The following MGAM variants were observed in gnomAD, a reference collection of about 807,000 sequenced individuals.
MGAM encodes alpha-1,4-glucosidase.
A neutral mutation model predicts 358.8 loss-of-function variants in MGAM; 253 were observed. The observed-to-expected ratio is 0.71, with a 90% CI of 0.64 to 0.78. The LOEUF (loss-of-function observed/expected upper bound fraction) is 0.78. Ranked by LOEUF, MGAM falls within the 30% of genes least tolerant of loss-of-function variation. The pLI, the probability that MGAM is intolerant of heterozygous loss-of-function variation, is 0.00. For missense variants in MGAM, 3,080 were observed against 3,432.6 expected, an observed-to-expected ratio of 0.90 and a Z score of 2.57; for synonymous variants, 1,105 against 1,227.1, an observed-to-expected ratio of 0.90 and a Z score of 2.08.
chr7:142,040,752 G>C lies in MGAM; in HGVS notation c.2404G>C (p.Val802Leu). 6.2e-7 allele frequency: 1 copy of C among 1,613,288 alleles called. No homozygotes were observed. Residue 802 changes from valine (V) to leucine (L), a missense_variant, in exon 21 of 71, where the codon GTC (valine) becomes CTC (leucine). Physicochemically the swap from Val to Leu is conservative, Grantham distance 32. This residue lies in a region of MGAM where 1,816 missense variants were observed against 1,840.5 expected (regional missense o/e 0.99). Transcript: ENST00000475668. ...CCAAGTGAGATGGAGGAAGCAAAAA[G>C]TCGAGATGGAACTTCCTGGAGACAA... ...GSQVRWRKQK[V>L]EMELPGDKIG...
intron 25 of MGAM, 125 bp downstream of exon 25, chr7:142,052,571 A>T: frequency 7.2e-7 from 1 of 1,395,790 alleles, no homozygotes; most frequent in Non-Finnish European, 9.6e-7. Context: ...AAGGGACAGG[A>T]TCTAGATGTG....
chr7:142,082,618 G>A lies in MGAM; in HGVS notation c.6268+47G>A, dbSNP rs1013260227. On this transcript the variant is annotated intron_variant, in intron 52 of 70. Coordinates refer to ENST00000475668, the MANE Select transcript of MGAM (RefSeq NM_001365693.1). ...CTTATTTTGGGGGGATACCAGTCAT[G>A]CCTGAGTCAGTTTAGAATGTGTTTA... is the stretch of plus-strand genomic sequence containing the variant. The A allele has an allele frequency of 4.5e-6, 6 of 1,342,926 alleles. No homozygotes were observed. The East Asian group carries it at 1.0e-4, about 23-fold the overall frequency. 83.2% of individuals were successfully genotyped at this position (1,342,926 alleles called of 1,614,324 possible).
At position 142,027,702 on chromosome 7, in the gene MGAM, C is replaced by T. The variant is rs200636635; in HGVS notation, c.1188C>T (p.Val396=). The change falls in exon 10 of 71, where the codon GTC becomes GTT. Residue 396 remains valine, a synonymous_variant. Coordinates refer to ENST00000475668, the MANE Select transcript of MGAM (RefSeq NM_001365693.1). Reference sequence around the variant, plus strand: ...GAACCTTAGACAACATGAGGGAAGTCGTGGAGAGAAATCGCGCAGCACAGC... The same window carrying T: ...GAACCTTAGACAACATGAGGGAAGTTGTGGAGAGAAATCGCGCAGCACAGC... ...EYGTLDNMRE[V]VERNRAAQLP... is the part of the protein sequence containing the mutation. The T allele has an allele frequency of 1.1e-5, 18 of 1,613,002 alleles. No homozygotes were observed. The highest frequency in any genetic ancestry group is 2.2e-5 in the East Asian group (1 of 44,798).
At chr7:142,027,344 T>A in intron 9 of MGAM, 117 bp downstream of exon 9, 1 of 867,764 alleles carries the variant, frequency 1.2e-6, no homozygotes, top group Non-Finnish European at 1.8e-6. Flanking sequence ...ATTTGAGATA[T>A]TAAAGAACAG....
intron 63 of MGAM, 100 bp downstream of exon 63, chr7:142,094,963 ATT>A (rs138070479): frequency 0.81 from 755,702 of 933,760 alleles, 290,654 homozygotes; most frequent in Admixed American, 0.84. Flanking sequence ...TATCTTTAAA[ATT>A]TTTTTTTTTT....
intron 10 of MGAM, among the ~76,000 whole-genome samples, chr7:142,028,210 C>A (rs1359342673): frequency 1.2e-4 from 19 of 152,096 alleles, no homozygotes; most frequent in Admixed American, 7.2e-4. Context: ...AAAGTTGTAT[C>A]ATATTTTCAG....
intron 42 of MGAM, among the ~76,000 whole-genome samples, chr7:142,068,419 G>T (rs1219417572): frequency 6.9e-6 from 1 of 144,896 alleles, no homozygotes; most frequent in African/African-American, 2.4e-5. Context: ...ATTTTTTCCC[G>T]AAGTCCTGGA....
rs749699644 is a variant in MGAM, at chr7:142,078,286, T to G, written c.5494-32T>G. ...TTTTGCAAGGCCTTTCTCCCAAAGA[T>G]GAATTTCCTTGTGATTTCTGCATTC... On this transcript the variant is annotated intron_variant, in intron 47 of 70. Transcript: ENST00000475668. 3.6e-6 allele frequency: 5 copies of G among 1,407,972 alleles called. No homozygotes were observed. The Admixed American group carries it at 1.2e-4, about 35-fold the overall frequency. 87.2% of individuals were successfully genotyped at this position (1,407,972 alleles called of 1,614,324 possible).
At chr7:142,042,590 C>A (rs1215523933) in intron 21 of MGAM, among the ~76,000 whole-genome samples, 1 of 2,162 alleles carries the variant, frequency 4.6e-4, no homozygotes, top group Non-Finnish European at 8.6e-4. Context: ...ATTATATATA[C>A]ATATTATATA....
rs758852793 is a variant in MGAM, at chr7:142,045,480, T to A, written c.2499-2305T>A. Among the ~76,000 whole-genome samples the A allele has an allele frequency of 1.5e-3, 168 of 111,198 alleles. 3 individuals are homozygous for A. Among genetic ancestry groups the A allele is most frequent in the African/African-American group, 6.1e-3 (160 of 26,082 alleles). The allele number at this position is 111,198 out of a possible 152,430, so 73.0% of individuals were successfully genotyped here. On this transcript the variant is annotated intron_variant, in intron 21 of 70. Transcript: ENST00000475668. Reference sequence around the variant, plus strand: ...CATGATATATTATATATATTATATATACATACAATATATGATATTATATAT... The same window carrying A: ...CATGATATATTATATATATTATATAAACATACAATATATGATATTATATAT...
At position 142,069,507 on chromosome 7, in the gene MGAM, A is replaced by G. The variant is rs1265878502; in HGVS notation, c.5061+804A>G. Among the ~76,000 whole-genome samples the G allele has an allele frequency of 3.4e-5, 5 of 145,608 alleles. 1 individual carries two copies. Among genetic ancestry groups the G allele is most frequent in the Non-Finnish European group, 7.8e-5 (5 of 64,398 alleles). ...GAGGAGAACATAGTTGAGGGCTGGA[A>G]ATACAACAAAGGGGTACAAGCAGGG... On this transcript the variant is annotated intron_variant, in intron 43 of 70. Coordinates refer to ENST00000475668, the MANE Select transcript of MGAM (RefSeq NM_001365693.1).
chr7:142,093,989 A>C (rs1231475807), intron 60 of MGAM, among the ~76,000 whole-genome samples: 1 of 146,234 alleles, frequency 6.8e-6, no homozygotes, highest in East Asian at 2.0e-4. Flanking sequence ...GAATTAGCAC[A>C]GTCCTGCTTT....
At chr7:142,050,571 T>A in intron 23 of MGAM, 126 bp from the exon 24 acceptor site, 1 of 1,016,474 alleles carries the variant, frequency 9.8e-7, no homozygotes, top group Non-Finnish European at 1.5e-6. Context: ...CACACACTAG[T>A]AGAGAAAGCA....
At position 142,011,782 on chromosome 7, in the gene MGAM, T is replaced by C. The variant is rs188511545; in HGVS notation, c.327+3077T>C. Among the ~76,000 whole-genome samples, 807 of 152,298 alleles carry C rather than the reference T, an allele frequency of 5.3e-3. 4 individuals are homozygous for C. The highest frequency in any genetic ancestry group is 0.018 in the African/African-American group (762 of 41,560). On this transcript the variant is annotated intron_variant, in intron 3 of 70. Coordinates refer to ENST00000475668, the MANE Select transcript of MGAM (RefSeq NM_001365693.1). Reference sequence around the variant, plus strand: ...TTCTGGCAAATGTTTCTCTGAATATTCACCACAGTCTGATTTGGGGGACTA... The same window carrying C: ...TTCTGGCAAATGTTTCTCTGAATATCCACCACAGTCTGATTTGGGGGACTA...
upstream of MGAM, among the ~76,000 whole-genome samples, chr7:141,991,385 G>A (rs190099639): frequency 1.5e-3 from 230 of 152,138 alleles, 1 homozygote; most frequent in Non-Finnish European, 1.3e-3. Context: ...TGATCCAGAG[G>A]TGGGGTCACA....
rs754016461 is a variant in MGAM at position 142,066,585 on chromosome 7, G to T, written c.4783G>T (p.Val1595Leu). 6.4e-7 allele frequency: 1 copy of T among 1,555,012 alleles called. No individual in the cohort carries two copies. Among genetic ancestry groups the T allele is most frequent in the South Asian group, 1.1e-5 (1 of 89,088 alleles). The change falls in exon 41 of 71, where the codon GTG (valine) becomes TTG (leucine). Residue 1595 changes from valine (V) to leucine (L), a missense_variant. By Grantham distance (32) the Val-to-Leu change is conservative (BLOSUM62 1). Around this residue, in one of 5 missense-constraint regions of MGAM, gnomAD observed 134 missense variants for 198.4 expected, o/e 0.68. Transcript: ENST00000475668. ...CTTTCTCCTTTAGAGACAAGACCCT[G>T]TGTCCTGGGATGCTGCTTTTGTGAA... The part of the protein sequence containing the change: ...NTIGTRRQDP[V>L]SWDAAFVNIS...
At position 142,005,413 on chromosome 7, in the gene MGAM, G is replaced by A. The variant is rs550668673; in HGVS notation, c.-2-116G>A. 1.3e-4 allele frequency: 92 copies of A among 688,690 alleles called. No individual in the cohort carries two copies. The South Asian group carries it at 2.1e-3, about 16-fold the overall frequency. The allele number at this position is 688,690 out of a possible 1,614,324, so 42.7% of individuals were successfully genotyped here. On this transcript the variant is annotated intron_variant, in intron 1 of 70. Transcript: ENST00000475668. ...TAATTTTTTAATTTAGATAATGGAT[G>A]CTTGGGAGGCTTGTTATAGTATTCA...
At position 142,050,871 on chromosome 7, in the gene MGAM, A is replaced by G; in HGVS notation, c.2805+7A>G. 1 of 1,613,342 alleles carries G rather than the reference A, an allele frequency of 6.2e-7. No homozygotes were observed. The highest frequency in any genetic ancestry group is 8.5e-7 in the Non-Finnish European group (1 of 1,179,508). ...TTATGATTCTAACCTGAAGGTAAAA[A>G]CCCATTTTGTTGAGATGGTACATTG... On this transcript the variant is annotated splice_region_variant and intron_variant, in intron 24 of 70. Coordinates refer to ENST00000475668, the MANE Select transcript of MGAM (RefSeq NM_001365693.1).
chr7:142,065,968 G>GTT (rs35268349), intron 40 of MGAM, 137 bp downstream of exon 40: 15,710 of 598,376 alleles, frequency 0.026, 22 homozygotes, highest in Middle Eastern at 0.035. Context: ...GTTTTGTTTT[G>GTT]TTTTTTTTTT....
Sources: allele counts gnomAD v4.1 joint callset (sites outside exome capture counted in the v4.1 genomes callset), GRCh38; gene constraint gnomAD v4.1.1; regional missense constraint gnomAD v4.1.1; transcripts MANE v1.5; gene names NCBI Gene and HGNC (gene_info 2026-07-23, HGNC 2026-07-21).